The following SRGAP3 variants were observed in gnomAD, a reference collection of about 807,000 sequenced individuals.
SRGAP3 encodes SLIT-ROBO Rho GTPase activating protein 3.
SRGAP3 carries 39 observed loss-of-function variants against 121.1 expected under a neutral mutation model. The ratio of observed to expected loss-of-function variants is 0.32; its 90% CI spans 0.25 to 0.42. The LOEUF (loss-of-function observed/expected upper bound fraction) is 0.42, where lower values mean the gene tolerates loss of function less well. Among genes scored for constraint, SRGAP3 ranks in the 10% least tolerant of loss-of-function variants. The probability of loss-of-function intolerance (pLI) is 1.00; values close to 1 mark genes in which losing one functional copy is unlikely to be tolerated. For missense variants in SRGAP3, 1,213 were observed against 1,470.6 expected (o/e 0.82, Z 2.86); for synonymous variants, 601 against 570.0 (o/e 1.05, Z -0.77).
In SRGAP3 at chr3:8,998,034, G is replaced by A. The variant is rs745685520; in HGVS notation, c.2228-3511C>T. Among the ~76,000 whole-genome samples the A allele has an allele frequency of 2.6e-5, 4 of 152,038 alleles. No individual in the cohort carries two copies. In the East Asian group the frequency reaches 5.8e-4, roughly 22 times the overall value. ...GTAGCTGGGACCACAGGCACATGCC[G>A]CCATGCCCAGCTAATTTTTTAAGTT... On this transcript the variant is annotated intron_variant, in intron 18 of 21. Coordinates refer to ENST00000383836, the MANE Select transcript of SRGAP3 (RefSeq NM_014850.4).
chr3:9,317,212 T>C (rs1955363689), intron 3 of SRGAP3, among the ~76,000 whole-genome samples: 1 of 152,204 alleles, frequency 6.6e-6, no homozygotes, highest in East Asian at 1.9e-4. Context: ...GGCCACCAGC[T>C]AACGTAGACT....
intron 1 of SRGAP3, among the ~76,000 whole-genome samples, chr3:9,133,748 C>T (rs1054071603): frequency 6.6e-6 from 1 of 152,210 alleles, no homozygotes; most frequent in Non-Finnish European, 1.5e-5. Flanking sequence ...GATATCAAGA[C>T]TGCTAAACTG....
At chr3:9,356,889 TA>T (rs1448944920) in intron 1 of SRGAP3, among the ~76,000 whole-genome samples, 7 of 152,230 alleles carry the variant, frequency 4.6e-5, no homozygotes, top group Non-Finnish European at 1.0e-4. Context: ...TTTGATGACT[TA>T]ATCTCTCTCA....
chr3:9,286,703 C>T (rs1045995352), intron 3 of SRGAP3, among the ~76,000 whole-genome samples: 5 of 150,688 alleles, frequency 3.3e-5, no homozygotes, highest in African/African-American at 9.7e-5. Context: ...CCCGGGTTCC[C>T]GCCATTCTCC....
At chr3:9,361,510 T>G (rs374393816) in intron 1 of SRGAP3, among the ~76,000 whole-genome samples, 1 of 152,168 alleles carries the variant, frequency 6.6e-6, no homozygotes, top group African/African-American at 2.4e-5. Context: ...TTTTGTCAAC[T>G]GAAAAATAAA....
intron 1 of SRGAP3, chr3:9,349,032 G>T: frequency 1.0e-6 from 1 of 960,252 alleles, no homozygotes; most frequent in Non-Finnish European, 1.7e-6. Context: ...CATCTGGAGG[G>T]CCTCTCTGAA....
chr3:9,090,575 C>A (rs1947711496), intron 3 of SRGAP3, among the ~76,000 whole-genome samples: 1 of 152,182 alleles, frequency 6.6e-6, no homozygotes, highest in Admixed American at 6.5e-5. Flanking sequence ...TTAGGGAAAA[C>A]TCTCAAAAAC....
At chr3:9,079,780 G>C (rs1432339221) in intron 4 of SRGAP3, among the ~76,000 whole-genome samples, 4 of 152,212 alleles carry the variant, frequency 2.6e-5, no homozygotes, top group Non-Finnish European at 5.9e-5. Context: ...CACAGCGGCA[G>C]GTCGTTTGAA....
rs373910427 is a variant in SRGAP3 at position 9,124,933 on chromosome 3, G to A, written c.68-16C>T. On this transcript the variant is annotated splice_polypyrimidine_tract_variant and intron_variant, in intron 1 of 21. Transcript: ENST00000383836. ...GTGCGGATCTCTGCGGGCACACAAG[G>A]GTAGGAGCATGAGACTGGTGGTGGG... The A allele has an allele frequency of 3.9e-5, 63 of 1,613,716 alleles. No individual in the cohort carries two copies. The African/African-American group carries it at 6.7e-4, about 17-fold the overall frequency.
Position 8,982,153 on chromosome 3 carries a change from C to T in SRGAP3, c.*3366G>A, listed in dbSNP as rs946956328. 2.7e-5 allele frequency: 6 copies of T among 226,072 alleles called. No homozygotes were observed. The highest frequency in any genetic ancestry group is 2.2e-5 in the African/African-American group (1 of 44,948). The allele number at this position is 226,072 out of a possible 1,614,324, so 14.0% of individuals were successfully genotyped here. ...GGAAACTAGACCAGGAATTAATTGT[C>T]TTTGGTCAGTTTTAAATGAACAACT... On this transcript the variant is annotated 3_prime_UTR_variant, in exon 22 of 22. Transcript: ENST00000383836.
chr3:9,041,665 C>A (rs1945018211), intron 10 of SRGAP3, among the ~76,000 whole-genome samples: 1 of 152,216 alleles, frequency 6.6e-6, no homozygotes, highest in African/African-American at 2.4e-5. Flanking sequence ...GCAGTACTGT[C>A]CCCAGTCATG....
At chr3:8,996,978 A>G (rs1178803332) in intron 18 of SRGAP3, among the ~76,000 whole-genome samples, 1 of 152,218 alleles carries the variant, frequency 6.6e-6, no homozygotes, top group Non-Finnish European at 1.5e-5. Flanking sequence ...CTGAAGTTGA[A>G]AGAGTGGGGC....
At chr3:9,227,767 C>G (rs1316057467) in intron 1 of SRGAP3, among the ~76,000 whole-genome samples, 8 of 152,226 alleles carry the variant, frequency 5.3e-5, no homozygotes, top group African/African-American at 1.4e-4. Flanking sequence ...TGGCCTCTAG[C>G]ACCTGAATGC....
chr3:9,025,903 T>C (rs1224019406), intron 13 of SRGAP3, among the ~76,000 whole-genome samples: 1 of 152,218 alleles, frequency 6.6e-6, no homozygotes, highest in Non-Finnish European at 1.5e-5. Context: ...ATTTTCCACA[T>C]TATAATTTAG....
chr3:9,112,111 G>A (rs1948644667), intron 2 of SRGAP3, among the ~76,000 whole-genome samples: 1 of 152,204 alleles, frequency 6.6e-6, no homozygotes, highest in South Asian at 2.1e-4. Flanking sequence ...CTTCTCGGCT[G>A]AGGGCCGGAA....
intron 1 of SRGAP3, among the ~76,000 whole-genome samples, chr3:9,125,930 C>T (rs1949206881): frequency 6.6e-6 from 1 of 152,180 alleles, no homozygotes; most frequent in African/African-American, 2.4e-5. Flanking sequence ...AGGACTTTAC[C>T]CCAATGGACT....
intron 1 of SRGAP3, among the ~76,000 whole-genome samples, chr3:9,165,164 C>A (rs549802840): frequency 4.6e-5 from 7 of 152,190 alleles, no homozygotes; most frequent in African/African-American, 7.2e-5. Flanking sequence ...AAAAAGGGGG[C>A]CCCCCAGTGG....
intron 1 of SRGAP3, among the ~76,000 whole-genome samples, chr3:9,183,615 T>C (rs926204246): frequency 7.2e-5 from 11 of 152,276 alleles, no homozygotes; most frequent in African/African-American, 2.6e-4. Context: ...TTACTTTACA[T>C]ACCTCTAGAA....
At chr3:9,351,084 G>A (rs917211633) in intron 1 of SRGAP3, among the ~76,000 whole-genome samples, 9 of 151,908 alleles carry the variant, frequency 5.9e-5, no homozygotes, top group Admixed American at 5.2e-4. Flanking sequence ...TTTACATAGA[G>A]GCAAGAGCAG....
Sources: allele counts gnomAD v4.1 joint callset (sites outside exome capture counted in the v4.1 genomes callset), GRCh38; gene constraint gnomAD v4.1.1; transcripts MANE v1.5; gene names NCBI Gene and HGNC (gene_info 2026-07-23, HGNC 2026-07-21).